FHIT: variants seen among roughly 807,000 people sequenced by gnomAD.
FHIT encodes the protein fragile histidine triad diadenosine triphosphatase, also known as bis(5'-adenosyl)-triphosphatase.
Under a neutral mutation model 17.9 loss-of-function variants are expected in FHIT, and 19 were observed. That is an observed-to-expected ratio of 1.06 (90% confidence interval 0.74 to 1.56). FHIT has a LOEUF of 1.56. Ranked by LOEUF, FHIT falls within the 40% of genes most tolerant of loss-of-function variation. The pLI, the probability that FHIT is intolerant of heterozygous loss-of-function variation, is 0.00. For missense variants in FHIT, 248 were observed against 189.2 expected, an observed-to-expected ratio of 1.31 and a Z score of -1.82; for synonymous variants, 81 against 69.7, an observed-to-expected ratio of 1.16 and a Z score of -0.81.
At chr3:60,984,724 A>G (rs1320730759) in intron 3 of FHIT, among the ~76,000 whole-genome samples, 1 of 152,150 alleles carries the variant, frequency 6.6e-6, no homozygotes, top group East Asian at 1.9e-4. Context: ...AAAAGCTACA[A>G]TAGAATTGAA....
chr3:60,046,156 C>T (rs1701644795), intron 5 of FHIT, among the ~76,000 whole-genome samples: 1 of 152,196 alleles, frequency 6.6e-6, no homozygotes, highest in Admixed American at 6.5e-5. Context: ...GTACTTAACA[C>T]AATAGACCAT....
At chr3:59,775,351 G>A (rs1464950223) in intron 8 of FHIT, among the ~76,000 whole-genome samples, 1 of 152,142 alleles carries the variant, frequency 6.6e-6, no homozygotes, top group East Asian at 1.9e-4. Context: ...CAGGCCACAG[G>A]CTCCGGCAGA....
chr3:61,129,078 C>T (rs1178493616), intron 2 of FHIT, among the ~76,000 whole-genome samples: 1 of 152,128 alleles, frequency 6.6e-6, no homozygotes, highest in Non-Finnish European at 1.5e-5. Flanking sequence ...GTCTCAAAGG[C>T]CTCAATAATT....
At chr3:59,954,360 A>G (rs1005553478) in intron 7 of FHIT, among the ~76,000 whole-genome samples, 1 of 151,990 alleles carries the variant, frequency 6.6e-6, no homozygotes, top group Non-Finnish European at 1.5e-5. Flanking sequence ...AATTCAACTC[A>G]ACAAATATCA....
At chr3:60,636,828 T>C (rs950075751) in intron 4 of FHIT, among the ~76,000 whole-genome samples, 2 of 152,192 alleles carry the variant, frequency 1.3e-5, no homozygotes, top group African/African-American at 4.8e-5. Context: ...TATTCAATCA[T>C]TCACAGAAAG....
chr3:60,624,194 A>C (rs1409533228), intron 4 of FHIT, among the ~76,000 whole-genome samples: 1 of 152,214 alleles, frequency 6.6e-6, no homozygotes, highest in East Asian at 1.9e-4. Context: ...GTATGCAGAG[A>C]AGTCCATGCA....
chr3:59,972,835 A>G (rs920032043), intron 7 of FHIT, among the ~76,000 whole-genome samples: 2 of 152,128 alleles, frequency 1.3e-5, no homozygotes, highest in African/African-American at 4.8e-5. Context: ...TCTGGAAAAC[A>G]GAAGCAAACC....
At chr3:59,923,221 CAAAAAAAAAAAAAAA>C (rs532237239) in intron 7 of FHIT, among the ~76,000 whole-genome samples, 1 of 67,456 alleles carries the variant, frequency 1.5e-5, no homozygotes, top group Non-Finnish European at 2.5e-5. Flanking sequence ...CGAGACTCCT[CAAAAAAAAAAAAAAA>C]AAAAAAAAAA....
chr3:59,789,804 GA>G (rs1699474135), intron 8 of FHIT, among the ~76,000 whole-genome samples: 1 of 152,160 alleles, frequency 6.6e-6, no homozygotes, highest in African/African-American at 2.4e-5. Flanking sequence ...ATTCTGTTAA[GA>G]AGGGCCCTTT....
intron 5 of FHIT, among the ~76,000 whole-genome samples, chr3:60,339,492 C>T (rs189922636): frequency 2.6e-4 from 39 of 152,272 alleles, no homozygotes; most frequent in African/African-American, 9.1e-4. Context: ...CACACATAGG[C>T]GTTCTGTTGA....
chr3:59,934,915 G>A (rs1364820957), intron 7 of FHIT, among the ~76,000 whole-genome samples: 1 of 152,116 alleles, frequency 6.6e-6, no homozygotes, highest in African/African-American at 2.4e-5. Flanking sequence ...TGAGATTTGG[G>A]TGCGGATGCA....
chr3:60,187,618 T>C (rs1415590581), intron 5 of FHIT, among the ~76,000 whole-genome samples: 1 of 152,156 alleles, frequency 6.6e-6, no homozygotes, highest in Non-Finnish European at 1.5e-5. Flanking sequence ...TTCACCCTGC[T>C]CCTGCACAAA....
intron 4 of FHIT, among the ~76,000 whole-genome samples, chr3:60,750,437 G>A (rs1553716505): frequency 6.6e-6 from 1 of 152,110 alleles, no homozygotes; most frequent in African/African-American, 2.4e-5. Flanking sequence ...TGTTGTGGGA[G>A]GAACCCAGCA....
At chr3:61,045,302 A>C (rs1251999109) in intron 2 of FHIT, among the ~76,000 whole-genome samples, 1 of 151,892 alleles carries the variant, frequency 6.6e-6, no homozygotes, top group Non-Finnish European at 1.5e-5. Context: ...ACCAAGCAAA[A>C]GGAAAACAAA....
At chr3:59,879,715 A>C (rs73839560) in intron 8 of FHIT, among the ~76,000 whole-genome samples, 2,816 of 152,302 alleles carry the variant, frequency 0.018, 84 homozygotes, top group African/African-American at 0.063. Context: ...TATATTGGAC[A>C]CTGGCAATGA....
intron 8 of FHIT, among the ~76,000 whole-genome samples, chr3:59,756,811 T>C (rs1701243988): frequency 6.6e-6 from 1 of 152,190 alleles, no homozygotes; most frequent in African/African-American, 2.4e-5. Context: ...TTGCATGGTC[T>C]TATTGCACGG....
At chr3:60,635,786 T>C (rs1236658256) in intron 4 of FHIT, among the ~76,000 whole-genome samples, 1 of 152,148 alleles carries the variant, frequency 6.6e-6, no homozygotes, top group Admixed American at 6.6e-5. Flanking sequence ...TCGGGATAAA[T>C]GTCCAAGAGC....
intron 2 of FHIT, among the ~76,000 whole-genome samples, chr3:61,144,369 A>G (rs1391422964): frequency 6.6e-6 from 1 of 152,238 alleles, no homozygotes; most frequent in East Asian, 1.9e-4. Context: ...AGCATGTTTC[A>G]GCACTTCATT....
chr3:60,953,209 G>A (rs1272866057), intron 3 of FHIT, among the ~76,000 whole-genome samples: 1 of 152,110 alleles, frequency 6.6e-6, no homozygotes, highest in Non-Finnish European at 1.5e-5. Flanking sequence ...ATGTTGTCTG[G>A]ATTCACACAT....
Sources: gnomAD v4.1 joint callset for allele counts (sites outside exome capture counted in the v4.1 genomes callset) on GRCh38, gnomAD v4.1.1 for gene constraint, MANE v1.5 for transcripts, NCBI Gene and HGNC (gene_info 2026-07-23, HGNC 2026-07-21) for gene names.